Variants in TRAK2 observed in about 807,000 individuals in gnomAD.
TRAK2 encodes the protein trafficking kinesin-binding protein 2.
In TRAK2, 81 loss-of-function variants were observed where a neutral mutation model predicts 104.6. That is an observed-to-expected ratio of 0.77 (90% CI 0.65 to 0.93). The LOEUF (loss-of-function observed/expected upper bound fraction) is 0.93. Among genes scored for constraint, TRAK2 ranks in the 40% least tolerant of loss-of-function variants. TRAK2 has a pLI of 0.00. For missense variants in TRAK2, 1,002 were observed against 1,089.0 expected, an observed-to-expected ratio of 0.92 and a Z score of 1.12; for synonymous variants, 406 against 394.4, an observed-to-expected ratio of 1.03 and a Z score of -0.35.
chr2:201,429,442 T>C (rs897611453), intron 1 of TRAK2, among the ~76,000 whole-genome samples: 3 of 152,218 alleles, frequency 2.0e-5, no homozygotes, highest in African/African-American at 4.8e-5. Context: ...TCCTGGATAA[T>C]ATCCTGAAGA....
At chr2:201,396,853 C>T (rs1488869728) in intron 7 of TRAK2, among the ~76,000 whole-genome samples, 5 of 152,152 alleles carry the variant, frequency 3.3e-5, no homozygotes, top group South Asian at 2.1e-4. Flanking sequence ...CAGAATGGTT[C>T]GCGATTTGAA....
intron 2 of TRAK2, among the ~76,000 whole-genome samples, chr2:201,417,500 A>T (rs370217382): frequency 1.2e-4 from 19 of 152,204 alleles, no homozygotes; most frequent in East Asian, 5.8e-4. Flanking sequence ...AAGAAAAACC[A>T]TATGAACATT....
At chr2:201,401,226 A>G (rs1360488919) in intron 3 of TRAK2, 132 bp from the exon 4 acceptor site, 2 of 523,806 alleles carry the variant, frequency 3.8e-6, no homozygotes, top group Non-Finnish European at 6.6e-6. Flanking sequence ...GAATAAAAAT[A>G]TATGTGAAAA....
chr2:201,442,194 T>C (rs1339278327), intron 1 of TRAK2, among the ~76,000 whole-genome samples: 6 of 150,896 alleles, frequency 4.0e-5, no homozygotes, highest in Non-Finnish European at 7.4e-5. Flanking sequence ...ATCGAGACCA[T>C]CCTGGCTAAC....
At chr2:201,405,474 CTT>C (rs1006172281) in intron 3 of TRAK2, among the ~76,000 whole-genome samples, 4 of 152,164 alleles carry the variant, frequency 2.6e-5, no homozygotes, top group Non-Finnish European at 4.4e-5. Context: ...CAGGAAGACT[CTT>C]TAAAACACAG....
intron 10 of TRAK2, among the ~76,000 whole-genome samples, chr2:201,390,106 G>C (rs1951431998): frequency 6.6e-6 from 1 of 152,172 alleles, no homozygotes; most frequent in Admixed American, 6.5e-5. Context: ...ATGATAAATA[G>C]AAAATATATG....
intron 1 of TRAK2, 149 bp from the exon 2 acceptor site, chr2:201,420,855 G>A (rs1440957217): frequency 1.6e-5 from 3 of 185,686 alleles, no homozygotes; most frequent in Non-Finnish European, 2.2e-5. Flanking sequence ...AAAGAAGTCA[G>A]ACAAAAAAAG....
chr2:201,450,393 G>A (rs1281091977), intron 1 of TRAK2, among the ~76,000 whole-genome samples: 2 of 151,602 alleles, frequency 1.3e-5, no homozygotes, highest in Non-Finnish European at 2.9e-5. Context: ...CCAGCCTGGC[G>A]ACAGAGCGAG....
intron 13 of TRAK2, among the ~76,000 whole-genome samples, 195 bp from the exon 14 acceptor site, chr2:201,386,679 A>C (rs1273265094): frequency 6.6e-6 from 1 of 152,214 alleles, no homozygotes; most frequent in African/African-American, 2.4e-5. Flanking sequence ...TATGAGTCAT[A>C]ATCTGTTTTA....
intron 1 of TRAK2, among the ~76,000 whole-genome samples, chr2:201,428,393 C>T (rs186613190): frequency 2.0e-5 from 3 of 152,182 alleles, no homozygotes; most frequent in African/African-American, 7.2e-5. Flanking sequence ...ATATGGCTAG[C>T]CAGTTTTCCC....
intron 1 of TRAK2, among the ~76,000 whole-genome samples, chr2:201,432,974 C>T (rs1951854060): frequency 6.6e-6 from 1 of 152,112 alleles, no homozygotes; most frequent in Non-Finnish European, 1.5e-5. Context: ...GCAGTGGCAA[C>T]CTAATCCAGA....
In TRAK2 at chr2:201,380,405, A is replaced by G. The variant is rs1361096289; in HGVS notation, c.*138T>C. The G allele has an allele frequency of 1.1e-6, 1 of 908,020 alleles. No individual in the cohort carries two copies. Among genetic ancestry groups the G allele is most frequent in the Non-Finnish European group, 1.7e-6 (1 of 606,014 alleles). 56.2% of individuals were successfully genotyped at this position (908,020 alleles called of 1,614,324 possible). A position where few individuals can be genotyped will look rare whatever the true frequency, so the allele number is the denominator to read the frequency against. On this transcript the variant is annotated 3_prime_UTR_variant, in exon 16 of 16. Transcript: ENST00000332624. ...TAGGGCTCATCCCAATTTTATTTCC[A>G]TTCCTCCATTCCCCCTTTCACATTC...
intron 6 of TRAK2, 176 bp from the exon 7 acceptor site, chr2:201,397,756 T>G: frequency 1.8e-6 from 1 of 568,832 alleles, no homozygotes; most frequent in East Asian, 2.8e-5. Context: ...AAATGATCCT[T>G]GCTTAAGTAG....
chr2:201,387,414 A>G (rs1362563115), intron 13 of TRAK2, among the ~76,000 whole-genome samples: 1 of 152,200 alleles, frequency 6.6e-6, no homozygotes, highest in Non-Finnish European at 1.5e-5. Context: ...ACTGCTGTCA[A>G]TGATATTCCT....
chr2:201,388,401 C>T lies in TRAK2; in HGVS notation c.1398-400G>A, dbSNP rs112309333. Among the ~76,000 whole-genome samples the T allele has an allele frequency of 3.5e-3, 525 of 152,000 alleles. 4 individuals carry two copies. The highest frequency in any genetic ancestry group is 0.011 in the African/African-American group (475 of 41,452). On this transcript the variant is annotated intron_variant, in intron 12 of 15. Transcript: ENST00000332624. ...TATGTATCATAAAGAAGGAAAAAAA[C>T]GCTACGGATTAAACTAAGGCATACT...
At chr2:201,407,654 C>T (rs1009248547) in intron 2 of TRAK2, 57 bp from the exon 3 acceptor site, 5 of 1,460,074 alleles carry the variant, frequency 3.4e-6, no homozygotes, top group Non-Finnish European at 4.6e-6. Flanking sequence ...TACTAGGCTA[C>T]AGAGAAAATT....
intron 2 of TRAK2, among the ~76,000 whole-genome samples, chr2:201,417,271 A>G (rs949392555): frequency 6.6e-6 from 1 of 150,964 alleles, no homozygotes; most frequent in African/African-American, 2.4e-5. Flanking sequence ...AAAAGAAAAA[A>G]GAAAAAAGTA....
intron 2 of TRAK2, among the ~76,000 whole-genome samples, chr2:201,419,734 TA>T (rs112207135): frequency 0.029 from 4,417 of 152,288 alleles, 217 homozygotes; most frequent in African/African-American, 0.1. Flanking sequence ...GATAATAAAT[TA>T]AAACAAACTT....
Position 201,380,421 on chromosome 2 carries a change from T to G in TRAK2, c.*122A>C. 1 of 1,043,442 alleles carries G rather than the reference T, an allele frequency of 9.6e-7. No individual in the cohort carries two copies. Among genetic ancestry groups the G allele is most frequent in the South Asian group, 1.7e-5 (1 of 59,792 alleles). The allele number at this position is 1,043,442 out of a possible 1,614,324, so 64.6% of individuals were successfully genotyped here. On this transcript the variant is annotated 3_prime_UTR_variant, in exon 16 of 16. Coordinates refer to ENST00000332624, the MANE Select transcript of TRAK2 (RefSeq NM_015049.3). ...TTTATTTCCATTCCTCCATTCCCCCTTTCACATTCACAACCCTTGTGCAAC... is the reference window on the plus strand; with the variant it reads ...TTTATTTCCATTCCTCCATTCCCCCGTTCACATTCACAACCCTTGTGCAAC...
Sources: gnomAD v4.1 joint callset for allele counts (sites outside exome capture counted in the v4.1 genomes callset) on GRCh38, gnomAD v4.1.1 for gene constraint, MANE v1.5 for transcripts, NCBI Gene and HGNC (gene_info 2026-07-23, HGNC 2026-07-21) for gene names.